Variants in GASK1A observed in about 807,000 individuals in gnomAD.
GASK1A encodes Golgi-associated kinase 1A.
Under a neutral mutation model 41.2 loss-of-function variants are expected in GASK1A, and 40 were observed. That is an observed-to-expected ratio of 0.97 (90% confidence interval 0.75 to 1.27). The LOEUF (loss-of-function observed/expected upper bound fraction) is 1.27, where lower values mean the gene tolerates loss of function less well. GASK1A is among the 50% of genes most tolerant of loss of function. GASK1A has a pLI of 0.00. For synonymous variants in GASK1A, 316 were observed against 307.1 expected (o/e 1.03, Z -0.30); for missense variants, 678 against 745.1 (o/e 0.91, Z 1.05).
intron 1 of GASK1A, among the ~76,000 whole-genome samples, chr3:43,013,318 G>A (rs1263804730): frequency 6.6e-6 from 1 of 151,834 alleles, no homozygotes; most frequent in South Asian, 2.1e-4. Context: ...ACAGGAAGGG[G>A]CAGTGAGAAG....
intron 1 of GASK1A, among the ~76,000 whole-genome samples, chr3:43,011,194 C>T (rs564208186): frequency 3.2e-4 from 48 of 152,050 alleles, no homozygotes; most frequent in Admixed American, 1.8e-3. Context: ...TCATCCTGGC[C>T]AACATGGTGA....
At chr3:43,004,359 G>C (rs1392153987) in intron 1 of GASK1A, among the ~76,000 whole-genome samples, 1 of 152,186 alleles carries the variant, frequency 6.6e-6, no homozygotes, top group African/African-American at 2.4e-5. Flanking sequence ...GTCAGATCTT[G>C]CCAATACTTC....
chr3:43,000,554 A>G (rs182435526), intron 1 of GASK1A, among the ~76,000 whole-genome samples: 16 of 152,356 alleles, frequency 1.1e-4, no homozygotes, highest in Non-Finnish European at 2.4e-4. Context: ...GCATTTCCAT[A>G]TAATTCTATT....
At chr3:43,018,869 G>A (rs888476994) in intron 1 of GASK1A, among the ~76,000 whole-genome samples, 1 of 152,120 alleles carries the variant, frequency 6.6e-6, no homozygotes, top group Non-Finnish European at 1.5e-5. Flanking sequence ...GCTGGAGCAG[G>A]GGCTTTACGT....
chr3:43,019,735 G>T (rs764368625), intron 1 of GASK1A, among the ~76,000 whole-genome samples: 8 of 150,598 alleles, frequency 5.3e-5, no homozygotes, highest in Non-Finnish European at 1.0e-4. Flanking sequence ...TGACTCCAGA[G>T]TTAGACCCAA....
chr3:43,028,628 A>G (rs1476706236), intron 1 of GASK1A, among the ~76,000 whole-genome samples: 1 of 152,192 alleles, frequency 6.6e-6, no homozygotes, highest in Non-Finnish European at 1.5e-5. Flanking sequence ...ATGGGAGAAC[A>G]TGAAGGAATC....
At chr3:43,026,724 ATAGT>A (rs955823677) in intron 1 of GASK1A, among the ~76,000 whole-genome samples, 1 of 152,220 alleles carries the variant, frequency 6.6e-6, no homozygotes, top group African/African-American at 2.4e-5. Context: ...TGAAATGAAA[ATAGT>A]TAGAAAGGAT....
chr3:43,030,752 T>C (rs1249292431), intron 1 of GASK1A, among the ~76,000 whole-genome samples: 2 of 152,144 alleles, frequency 1.3e-5, no homozygotes, highest in Non-Finnish European at 2.9e-5. Flanking sequence ...TGGCCCAGCA[T>C]GGGTCAGGAT....
intron 2 of GASK1A, among the ~76,000 whole-genome samples, chr3:43,034,572 G>A (rs1308906082): frequency 6.6e-6 from 1 of 152,228 alleles, no homozygotes; most frequent in Non-Finnish European, 1.5e-5. Flanking sequence ...CATGGAACCA[G>A]CCCCCATTTC....
intron 3 of GASK1A, chr3:43,054,056 C>T (rs2089704830): frequency 5.9e-6 from 2 of 337,474 alleles, no homozygotes; most frequent in East Asian, 7.6e-5. Flanking sequence ...AGGGCATGAA[C>T]CCAAGACTGC....
Position 42,984,961 on chromosome 3 carries a change from G to A in GASK1A, c.3+5316G>A, listed in dbSNP as rs2089301182. On this transcript the variant is annotated intron_variant, in intron 1 of 4. Transcript: ENST00000430121. This position sits in a 1 kb window ranked among gnomAD's most constrained non-coding sequence, Gnocchi z 4.2. ...GAGTTTTGGAGTGGGCATACTTTAG[G>A]TTGTAAATTGACTGTTATCTCTCGA... Among the ~76,000 whole-genome samples the A allele has an allele frequency of 6.6e-6, 1 of 152,072 alleles. No individual in the cohort carries two copies. Among genetic ancestry groups the A allele is most frequent in the African/African-American group, 2.4e-5 (1 of 41,406 alleles).
intron 1 of GASK1A, among the ~76,000 whole-genome samples, chr3:43,014,346 G>T (rs1369674793): frequency 6.6e-6 from 1 of 152,012 alleles, no homozygotes; most frequent in Non-Finnish European, 1.5e-5. Flanking sequence ...CAAAGGAAGG[G>T]ATGGTGTGAA....
intron 1 of GASK1A, among the ~76,000 whole-genome samples, chr3:42,990,343 C>T (rs6792817): frequency 0.4 from 59,365 of 146,936 alleles, 12,256 homozygotes; most frequent in Middle Eastern, 0.45. Context: ...GAGTGAGACC[C>T]CGTCTCAAAA....
Position 43,053,483 on chromosome 3 carries a change from C to T in GASK1A, c.1291-38C>T, listed in dbSNP as rs1442541182. The T allele has an allele frequency of 2.7e-5, 40 of 1,502,256 alleles. No homozygotes were observed. The Admixed American group carries it at 8.1e-4, about 31-fold the overall frequency. 93.1% of individuals were successfully genotyped at this position (1,502,256 alleles called of 1,614,324 possible). On this transcript the variant is annotated intron_variant, in intron 2 of 4. Transcript: ENST00000430121. ...ATGCTATGCCTGGTGGAGGCAGGCC[C>T]CCTGCCGCACCCCACCGAAGGCTGG...
At chr3:43,039,609 A>AT (rs371710159) in intron 2 of GASK1A, among the ~76,000 whole-genome samples, 1 of 152,184 alleles carries the variant, frequency 6.6e-6, no homozygotes, top group Non-Finnish European at 1.5e-5. Context: ...TGTACAGATG[A>AT]TTTTGTCACC....
chr3:43,036,397 A>T (rs2089604533), intron 2 of GASK1A, among the ~76,000 whole-genome samples: 1 of 152,078 alleles, frequency 6.6e-6, no homozygotes, highest in African/African-American at 2.4e-5. Flanking sequence ...CATACAGCCC[A>T]CTCTTGAGTA....
At chr3:42,998,205 G>T (rs897906335) in intron 1 of GASK1A, among the ~76,000 whole-genome samples, 2 of 152,138 alleles carry the variant, frequency 1.3e-5, no homozygotes, top group Non-Finnish European at 1.5e-5. Context: ...CTAATGGAAG[G>T]GTTCTCCACC....
chr3:43,005,287 G>C (rs2089430535), intron 1 of GASK1A, among the ~76,000 whole-genome samples: 1 of 152,176 alleles, frequency 6.6e-6, no homozygotes, highest in Admixed American at 6.5e-5. Flanking sequence ...GTATCCAGTA[G>C]TACCCTTGGT....
chr3:43,047,621 G>T (rs1438120786), intron 2 of GASK1A, among the ~76,000 whole-genome samples: 2 of 152,150 alleles, frequency 1.3e-5, no homozygotes, highest in African/African-American at 4.8e-5. Flanking sequence ...CGGTTGTTGA[G>T]GGGAGAGGTT....
Sources: gnomAD v4.1 joint callset for allele counts (sites outside exome capture counted in the v4.1 genomes callset) on GRCh38, gnomAD v4.1.1 for gene constraint, Gnocchi (gnomAD v3.1) non-coding constraint, MANE v1.5 for transcripts, NCBI Gene and HGNC (gene_info 2026-07-23, HGNC 2026-07-21) for gene names.